SEC23B: variants seen among roughly 807,000 people sequenced by gnomAD.
SEC23B encodes the protein protein transport protein Sec23B.
In SEC23B, 77 loss-of-function variants were observed where a neutral mutation model predicts 104.3. The observed-to-expected ratio is 0.74, with a 90% CI of 0.61 to 0.89. The LOEUF is 0.89. SEC23B is among the 40% of genes least tolerant of loss of function. SEC23B has a pLI of 0.00. For synonymous variants in SEC23B, 338 were observed against 332.5 expected (o/e 1.02, Z -0.18); for missense variants, 885 against 949.4 (o/e 0.93, Z 0.89).
Position 18,548,667 on chromosome 20 carries a change from A to T in SEC23B, c.1802A>T (p.Glu601Val). 1 of 1,614,088 alleles carries T rather than the reference A, an allele frequency of 6.2e-7. No individual in the cohort carries two copies. Among genetic ancestry groups the T allele is most frequent in the Non-Finnish European group, 8.5e-7 (1 of 1,179,928 alleles). ...FLQVFNNSPD[E>V]SSYYRHHFAR... ...CAAGTGTTTAACAACAGTCCTGATG[A>T]GTCGTCATATTACAGACATCATTTT... The change falls in exon 16 of 20, where the codon GAG (glutamate) becomes GTG (valine). Residue 601 changes from glutamate (E) to valine (V), a missense_variant. Coordinates refer to ENST00000650089, the MANE Select transcript of SEC23B (RefSeq NM_006363.6).
At chr20:18,537,600 G>C (rs1432844995) in intron 12 of SEC23B, among the ~76,000 whole-genome samples, 11 of 152,126 alleles carry the variant, frequency 7.2e-5, no homozygotes, top group South Asian at 4.2e-4. Flanking sequence ...GTGGGGGAAG[G>C]GGGGAGGAAT....
At chr20:18,527,133 G>A (rs1188656255) in intron 8 of SEC23B, among the ~76,000 whole-genome samples, 4 of 152,252 alleles carry the variant, frequency 2.6e-5, no homozygotes, top group East Asian at 1.9e-4. Flanking sequence ...ACGAGAATCC[G>A]TTGAACCTGG....
Position 18,531,224 on chromosome 20 carries a change from G to A in SEC23B, c.1233+421G>A, listed in dbSNP as rs529184345. Among the ~76,000 whole-genome samples the A allele has an allele frequency of 4.4e-4, 67 of 152,350 alleles. 2 individuals carry two copies. In the South Asian group the frequency reaches 5.8e-3, roughly 13 times the overall value. ...AGATAGAAGAGGAAGTAGGGTGGGT[G>A]TTATGAGCAGCACTGTGGCCTGAGG... On this transcript the variant is annotated intron_variant, in intron 10 of 19. Coordinates refer to ENST00000650089, the MANE Select transcript of SEC23B (RefSeq NM_006363.6).
chr20:18,512,140 A>G lies in SEC23B; in HGVS notation c.222-85A>G, dbSNP rs945594746. The G allele has an allele frequency of 3.1e-5, 26 of 833,434 alleles. No homozygotes were observed. In the African/African-American group the frequency reaches 4.2e-4, roughly 13 times the overall value. 51.6% of individuals were successfully genotyped at this position (833,434 alleles called of 1,614,324 possible). On this transcript the variant is annotated intron_variant, in intron 2 of 19. Coordinates refer to ENST00000650089, the MANE Select transcript of SEC23B (RefSeq NM_006363.6). ...GTGATTTACTGAACTTGAAATTTACAAATGAACGCTTTCTACCTTAAAAAT... is the reference window on the plus strand; with the variant it reads ...GTGATTTACTGAACTTGAAATTTACGAATGAACGCTTTCTACCTTAAAAAT...
intron 17 of SEC23B, among the ~76,000 whole-genome samples, chr20:18,553,769 C>T (rs546204502): frequency 6.6e-6 from 1 of 152,210 alleles, no homozygotes; most frequent in Non-Finnish European, 1.5e-5. Context: ...GAGACAATTG[C>T]ACGCAAGTCT....
In SEC23B at chr20:18,515,479, G is replaced by T. The variant is rs6045443; in HGVS notation, c.280-171G>T. Among the ~76,000 whole-genome samples the T allele has an allele frequency of 0.92, 140,700 of 152,190 alleles. 65,935 individuals carry two copies. Among genetic ancestry groups the T allele is most frequent in the East Asian group, 1 (5,172 of 5,172 alleles). Reference sequence around the variant, plus strand: ...GTGTGAGCCACCACGCCCAACTAATGTTTTTACTTCTTGTATACAGACAGG... The same window carrying T: ...GTGTGAGCCACCACGCCCAACTAATTTTTTTACTTCTTGTATACAGACAGG... On this transcript the variant is annotated intron_variant, in intron 3 of 19. Coordinates refer to ENST00000650089, the MANE Select transcript of SEC23B (RefSeq NM_006363.6).
chr20:18,548,164 T>C (rs937684532), intron 15 of SEC23B, among the ~76,000 whole-genome samples: 1 of 152,054 alleles, frequency 6.6e-6, no homozygotes, highest in Non-Finnish European at 1.5e-5. Flanking sequence ...TTGGTCAGGC[T>C]GGTCTTGAAC....
chr20:18,514,663 A>G (rs1225567493), intron 3 of SEC23B, among the ~76,000 whole-genome samples: 1 of 152,266 alleles, frequency 6.6e-6, no homozygotes, highest in Non-Finnish European at 1.5e-5. Context: ...ATTTGCAGAG[A>G]GTTTTAAAAA....
At chr20:18,558,244 A>T (rs2060459609) in intron 19 of SEC23B, among the ~76,000 whole-genome samples, 1 of 152,158 alleles carries the variant, frequency 6.6e-6, no homozygotes, top group Non-Finnish European at 1.5e-5. Context: ...GTTTCTTATG[A>T]AAAGTTCACT....
intron 12 of SEC23B, among the ~76,000 whole-genome samples, chr20:18,541,755 A>T (rs1415293850): frequency 1.3e-5 from 2 of 152,200 alleles, no homozygotes; most frequent in African/African-American, 4.8e-5. Context: ...GCAGATATAT[A>T]ATAATAATGA....
intron 4 of SEC23B, among the ~76,000 whole-genome samples, chr20:18,523,024 G>A (rs566798474): frequency 4.0e-5 from 6 of 151,572 alleles, no homozygotes; most frequent in East Asian, 1.9e-4. Flanking sequence ...CCGAGATCGC[G>A]CCACTGCACT....
chr20:18,556,618 A>G (rs2060440696), intron 19 of SEC23B, among the ~76,000 whole-genome samples: 1 of 152,126 alleles, frequency 6.6e-6, no homozygotes, highest in African/African-American at 2.4e-5. Context: ...TCTTCATTTC[A>G]TTGACTTTAT....
intron 11 of SEC23B, among the ~76,000 whole-genome samples, chr20:18,534,456 C>T (rs1475929180): frequency 1.3e-5 from 2 of 152,142 alleles, no homozygotes; most frequent in Non-Finnish European, 2.9e-5. Flanking sequence ...AGCATTGTTC[C>T]TGGGCAGTGT....
chr20:18,518,780 A>T (rs917989054), intron 4 of SEC23B, among the ~76,000 whole-genome samples: 3 of 151,922 alleles, frequency 2.0e-5, no homozygotes, highest in Non-Finnish European at 4.4e-5. Flanking sequence ...GGGTGATGGG[A>T]TCTGATGCCT....
rs1343740745 is a variant in SEC23B at position 18,546,009 on chromosome 20, A to G, written c.1719A>G (p.Ser573=). 3 of 1,578,436 alleles carry G rather than the reference A, an allele frequency of 1.9e-6. No individual in the cohort carries two copies. In the African/African-American group the frequency reaches 4.0e-5, roughly 21 times the overall value. ...NKEDPTSFRL[S]DSFSLYPQFM... ...AAGACCCCACTTCTTTTAGGTTATC[A>G]GATTCCTTTTCTCTATATCCTCAGG... Residue 573 remains serine (S), a synonymous_variant, in exon 15 of 20, where the codon TCA becomes TCG. Transcript: ENST00000650089.
chr20:18,533,787 C>T (rs555331887), intron 11 of SEC23B, among the ~76,000 whole-genome samples: 5 of 152,290 alleles, frequency 3.3e-5, no homozygotes, highest in Admixed American at 1.3e-4. Flanking sequence ...TCATTCATTA[C>T]CCCCAGAGTA....
chr20:18,530,830 T>G, intron 10 of SEC23B, 27 bp downstream of exon 10: 1 of 1,570,292 alleles, frequency 6.4e-7, no homozygotes, highest in Non-Finnish European at 8.7e-7. Context: ...TTTTTTTTTA[T>G]GTGGACTCAC....
rs192511028 is a variant in SEC23B, at chr20:18,556,999, A to C, written c.2214+1826A>C. Among the ~76,000 whole-genome samples, 170 of 152,340 alleles carry C rather than the reference A, an allele frequency of 1.1e-3. 1 individual carries two copies. Among genetic ancestry groups the C allele is most frequent in the East Asian group, 5.8e-3 (30 of 5,184 alleles). ...CAACAGAGCAAGACGCTATCTTGAA[A>C]AACAAAAAGAAGTGAATTTATTATA... On this transcript the variant is annotated intron_variant, in intron 19 of 19. Transcript: ENST00000650089.
rs184842146 is a variant in SEC23B at position 18,524,949 on chromosome 20, G to T, written c.618G>T (p.Leu206=). 1.1e-5 allele frequency: 18 copies of T among 1,613,584 alleles called. No individual in the cohort carries two copies. The Admixed American group carries it at 2.8e-4, about 25-fold the overall frequency. Residue 206 remains leucine, a synonymous_variant, in exon 6 of 20, where the codon CTG becomes CTT. Coordinates refer to ENST00000650089, the MANE Select transcript of SEC23B (RefSeq NM_006363.6). ...TTTTTTTTAAGGATATGTTGGGCCT[G>T]ACCAAGCCAGCCATGCCCATGCAGC... ...TAKQIQDMLG[L]TKPAMPMQQA...
Sources: gnomAD v4.1 joint callset for allele counts (sites outside exome capture counted in the v4.1 genomes callset) on GRCh38, gnomAD v4.1.1 for gene constraint, MANE v1.5 for transcripts, NCBI Gene and HGNC (gene_info 2026-07-23, HGNC 2026-07-21) for gene names.